PPP1R17: variants seen among roughly 807,000 people sequenced by gnomAD.
PPP1R17 encodes the protein protein phosphatase 1 regulatory subunit 17, also known as G-substrate.
In PPP1R17, 12 loss-of-function variants were observed where a neutral mutation model predicts 15.9. The observed-to-expected ratio is 0.75, with a 90% CI of 0.48 to 1.22. PPP1R17 has a LOEUF of 1.22. Ranked by LOEUF, PPP1R17 falls within the 50% of genes most tolerant of loss-of-function variation. PPP1R17 has a pLI of 0.00. For missense variants in PPP1R17, 211 were observed against 187.3 expected (o/e 1.13, Z -0.74); for synonymous variants, 63 against 64.5 (o/e 0.98, Z 0.11).
At chr7:31,696,602 G>A (rs1377894355) in intron 3 of PPP1R17, among the ~76,000 whole-genome samples, 1 of 152,186 alleles carries the variant, frequency 6.6e-6, no homozygotes, top group African/African-American at 2.4e-5. Context: ...TGAAGAGGAT[G>A]AGATTTGGAG....
At chr7:31,692,599 A>C in intron 2 of PPP1R17, 76 bp downstream of exon 2, 1 of 1,419,056 alleles carries the variant, frequency 7.0e-7, no homozygotes, top group Non-Finnish European at 9.9e-7. Context: ...GTTTGCAGGC[A>C]AGTCAGAGAG....
At chr7:31,688,213 C>T (rs971073285) in intron 1 of PPP1R17, among the ~76,000 whole-genome samples, 2 of 152,200 alleles carry the variant, frequency 1.3e-5, no homozygotes, top group Non-Finnish European at 2.9e-5. Context: ...AGAAGAGCCA[C>T]TATCTTCCCC....
At chr7:31,695,440 T>C (rs1050323405) in intron 2 of PPP1R17, 29 bp from the exon 3 acceptor site, 4 of 1,576,892 alleles carry the variant, frequency 2.5e-6, no homozygotes, top group Non-Finnish European at 3.4e-6. Context: ...TGTTATATTC[T>C]TTATTTCTTT....
intron 4 of PPP1R17, among the ~76,000 whole-genome samples, chr7:31,703,859 T>C (rs930029417): frequency 6.6e-5 from 10 of 152,194 alleles, no homozygotes; most frequent in African/African-American, 2.4e-4. Context: ...AGGTTCCAAC[T>C]GCGAGCACAG....
intron 3 of PPP1R17, among the ~76,000 whole-genome samples, chr7:31,696,504 G>T (rs1169721246): frequency 6.6e-6 from 1 of 152,192 alleles, no homozygotes; most frequent in East Asian, 1.9e-4. Flanking sequence ...TTTCACTGTA[G>T]CATAGAGGTG....
chr7:31,707,401 A>G lies in PPP1R17; in HGVS notation c.*118A>G, dbSNP rs1793117595. ...GTCATCGTCTGACTTGAAGATTCAG[A>G]CACCTTCTCCCCAGGAGATGTATGC... On this transcript the variant is annotated 3_prime_UTR_variant, in exon 5 of 5. Transcript: ENST00000342032. 2.0e-5 allele frequency: 16 copies of G among 801,508 alleles called. No individual in the cohort carries two copies. The East Asian group carries it at 4.4e-4, about 22-fold the overall frequency. 49.6% of individuals were successfully genotyped at this position (801,508 alleles called of 1,614,324 possible).
intron 1 of PPP1R17, among the ~76,000 whole-genome samples, chr7:31,689,488 G>A (rs1252625827): frequency 2.0e-5 from 3 of 152,018 alleles, no homozygotes; most frequent in Non-Finnish European, 4.4e-5. Context: ...ACCTGCTTGG[G>A]GTAGAGACTG....
intron 1 of PPP1R17, among the ~76,000 whole-genome samples, chr7:31,690,182 A>G (rs748563816): frequency 1.3e-5 from 2 of 152,238 alleles, no homozygotes; most frequent in Admixed American, 6.5e-5. Context: ...GAAAAGTTCA[A>G]TTGCTTTTTA....
At chr7:31,705,353 A>T (rs1793022143) in intron 4 of PPP1R17, among the ~76,000 whole-genome samples, 1 of 152,204 alleles carries the variant, frequency 6.6e-6, no homozygotes, top group African/African-American at 2.4e-5. Context: ...ATATCAAGCA[A>T]GGATGGATGG....
At chr7:31,694,086 AAAGAT>A (rs1792468600) in intron 2 of PPP1R17, among the ~76,000 whole-genome samples, 1 of 152,238 alleles carries the variant, frequency 6.6e-6, no homozygotes, top group African/African-American at 2.4e-5. Flanking sequence ...TGAAGAGTTA[AAAGAT>A]AAGGCACCTG....
chr7:31,692,452 C>T lies in PPP1R17; in HGVS notation c.11C>T (p.Thr4Ile). 2.5e-6 allele frequency: 4 copies of T among 1,610,196 alleles called. No individual in the cohort carries two copies. The highest frequency in any genetic ancestry group is 3.4e-6 in the Non-Finnish European group (4 of 1,176,478). Residue 4 changes from threonine to isoleucine, a missense_variant, in exon 2 of 5, where the codon ACT (threonine) becomes ATT (isoleucine). Coordinates refer to ENST00000342032, the MANE Select transcript of PPP1R17 (RefSeq NM_006658.5). MMS[T>I]EQMQPLELSE... The stretch of plus-strand genomic sequence containing the variant: ...ACCCACCCTCCTTTGATGATGTCCA[C>T]TGAGCAAATGCAGCCACTGGAACTC...
intron 4 of PPP1R17, among the ~76,000 whole-genome samples, chr7:31,698,022 A>C (rs1368236064): frequency 6.6e-6 from 1 of 152,234 alleles, no homozygotes; most frequent in Non-Finnish European, 1.5e-5. Context: ...GATCAAGATC[A>C]AACACTAAAA....
chr7:31,692,367 C>G, intron 1 of PPP1R17, 39 bp from the exon 2 acceptor site: 1 of 1,192,900 alleles, frequency 8.4e-7, no homozygotes, highest in Non-Finnish European at 1.2e-6. Context: ...AATGAATAAA[C>G]AGAGCCATAC....
chr7:31,707,006 G>T (rs969067176), intron 4 of PPP1R17, among the ~76,000 whole-genome samples, 198 bp from the exon 5 acceptor site: 1 of 152,114 alleles, frequency 6.6e-6, no homozygotes, highest in South Asian at 2.1e-4. Context: ...AACCAGAATC[G>T]TGTCCTCATT....
intron 2 of PPP1R17, among the ~76,000 whole-genome samples, chr7:31,693,943 A>C (rs1001114171): frequency 9.2e-5 from 14 of 152,236 alleles, no homozygotes; most frequent in African/African-American, 3.1e-4. Context: ...GGCCATACTT[A>C]GAGTGTCCAA....
At chr7:31,688,110 G>A (rs1792181605) in intron 1 of PPP1R17, among the ~76,000 whole-genome samples, 1 of 152,158 alleles carries the variant, frequency 6.6e-6, no homozygotes, top group Non-Finnish European at 1.5e-5. Context: ...AAAGATCCAA[G>A]AAGGTCCCTC....
Position 31,696,999 on chromosome 7 carries a change from T to A in PPP1R17, c.270T>A (p.Asp90Glu). 6.2e-7 allele frequency: 1 copy of A among 1,614,120 alleles called. No individual in the cohort carries two copies. Among genetic ancestry groups the A allele is most frequent in the Non-Finnish European group, 8.5e-7 (1 of 1,179,996 alleles). The change falls in exon 4 of 5, where the codon GAT becomes GAA. Residue 90 changes from aspartate (D) to glutamate (E), a missense_variant. Asp to Glu is a conservative substitution (Grantham distance 45, BLOSUM62 2). Transcript: ENST00000342032. Reference protein sequence around the residue: ...VFSEHLIKRYDVQERHPKGKM... With the variant: ...VFSEHLIKRYEVQERHPKGKM... The stretch of plus-strand genomic sequence containing the variant: ...CAGAACATTTAATTAAAAGATACGA[T>A]GTTCAAGAGAGACATCCAAAGGGCA...
At chr7:31,704,607 A>T (rs149386969) in intron 4 of PPP1R17, among the ~76,000 whole-genome samples, 534 of 152,326 alleles carry the variant, frequency 3.5e-3, no homozygotes, top group African/African-American at 0.012. Flanking sequence ...GATTCCTACA[A>T]TGTGAAATAT....
intron 4 of PPP1R17, among the ~76,000 whole-genome samples, chr7:31,702,145 T>C (rs563313986): frequency 2.0e-5 from 3 of 152,326 alleles, no homozygotes; most frequent in East Asian, 1.9e-4. Flanking sequence ...GGTTATGCTA[T>C]GATATGGGAA....
Sources: gnomAD v4.1 joint callset for allele counts (sites outside exome capture counted in the v4.1 genomes callset) on GRCh38, gnomAD v4.1.1 for gene constraint, MANE v1.5 for transcripts, NCBI Gene and HGNC (gene_info 2026-07-23, HGNC 2026-07-21) for gene names.